CACNA1E: variants seen among roughly 807,000 people sequenced by gnomAD.
CACNA1E encodes the protein calcium voltage-gated channel subunit alpha1 E.
Under a neutral mutation model 259.2 loss-of-function variants are expected in CACNA1E, and 40 were observed. The ratio of observed to expected loss-of-function variants is 0.15; its 90% CI spans 0.12 to 0.20. The LOEUF (loss-of-function observed/expected upper bound fraction) is 0.20. CACNA1E is among the 10% of genes least tolerant of loss of function. The probability of loss-of-function intolerance (pLI) is 1.00; values close to 1 mark genes in which losing one functional copy is unlikely to be tolerated. For missense variants in CACNA1E, 1,874 were observed against 3,040.1 expected (o/e 0.62, Z 9.02); for synonymous variants, 1,104 against 1,138.5 (o/e 0.97, Z 0.61).
At chr1:181,593,059 C>T (rs1405145103) in intron 6 of CACNA1E, among the ~76,000 whole-genome samples, 1 of 152,126 alleles carries the variant, frequency 6.6e-6, no homozygotes, top group African/African-American at 2.4e-5. Flanking sequence ...GTCTTTTCAT[C>T]AGTAATATGG....
intron 1 of CACNA1E, among the ~76,000 whole-genome samples, chr1:181,352,419 T>A (rs1557935345): frequency 6.6e-6 from 1 of 152,158 alleles, no homozygotes; most frequent in South Asian, 2.1e-4. Context: ...TAAGAATTGA[T>A]GGAGTTAAAT....
intron 1 of CACNA1E, among the ~76,000 whole-genome samples, chr1:181,388,028 A>T (rs2877607): frequency 6.6e-6 from 1 of 151,936 alleles, no homozygotes; most frequent in Non-Finnish European, 1.5e-5. Context: ...GATAGCTAAG[A>T]GTTCCTTCAA....
intron 3 of CACNA1E, among the ~76,000 whole-genome samples, chr1:181,546,539 C>T (rs553317593): frequency 2.6e-5 from 4 of 152,252 alleles, no homozygotes; most frequent in Admixed American, 2.0e-4. Context: ...CTTCCCAGAC[C>T]TGTTGTCCTC....
chr1:181,341,132 C>T (rs1169123693), intron 1 of CACNA1E, among the ~76,000 whole-genome samples: 1 of 152,140 alleles, frequency 6.6e-6, no homozygotes, highest in Non-Finnish European at 1.5e-5. Context: ...TCCTAGTCCA[C>T]CTCCGAGAGG....
intron 1 of CACNA1E, among the ~76,000 whole-genome samples, chr1:181,347,683 G>A (rs1652710166): frequency 6.6e-6 from 1 of 152,200 alleles, no homozygotes; most frequent in Non-Finnish European, 1.5e-5. Context: ...CATTTGTGGG[G>A]CTTGTGACAG....
At chr1:181,441,503 G>GCTATA (rs140906135) in intron 2 of CACNA1E, among the ~76,000 whole-genome samples, 15,610 of 152,208 alleles carry the variant, frequency 0.1, 1,019 homozygotes, top group South Asian at 0.2. Context: ...CTGGAAGGCT[G>GCTATA]CTATAGGTTT....
At chr1:181,497,013 A>T (rs952774725) in intron 1 of CACNA1E, among the ~76,000 whole-genome samples, 4 of 152,056 alleles carry the variant, frequency 2.6e-5, no homozygotes, top group Non-Finnish European at 5.9e-5. Flanking sequence ...GGTCTGAGGA[A>T]TATGGGCCTA....
intron 1 of CACNA1E, among the ~76,000 whole-genome samples, chr1:181,356,924 A>G (rs1005312840): frequency 3.3e-5 from 5 of 152,110 alleles, no homozygotes; most frequent in Admixed American, 2.6e-4. Context: ...AATGGATTCT[A>G]AATATAACCA....
At chr1:181,543,213 A>C (rs993373399) in intron 3 of CACNA1E, among the ~76,000 whole-genome samples, 4 of 152,078 alleles carry the variant, frequency 2.6e-5, no homozygotes, top group Non-Finnish European at 4.4e-5. Context: ...AGGGCTTGAA[A>C]ATTTGCATTT....
rs981668890 is a variant in CACNA1E at position 181,803,243 on chromosome 1, A to C, written c.*4409A>C. On this transcript the variant is annotated 3_prime_UTR_variant, in exon 48 of 48. Coordinates refer to ENST00000367573, the MANE Select transcript of CACNA1E (RefSeq NM_001205293.3). Reference sequence around the variant, plus strand: ...GGTACAGGAGAGGACTTTATGATGCAGGAAAGAAGGAAGAAGTGGGTCCCT... The same window carrying C: ...GGTACAGGAGAGGACTTTATGATGCCGGAAAGAAGGAAGAAGTGGGTCCCT... 7.0e-6 allele frequency: 1 copy of C among 143,198 alleles called. No individual in the cohort carries two copies. The highest frequency in any genetic ancestry group is 2.8e-5 in the African/African-American group (1 of 35,972). 8.9% of individuals were successfully genotyped at this position (143,198 alleles called of 1,614,324 possible).
chr1:181,406,453 G>A (rs1357465464), intron 1 of CACNA1E, among the ~76,000 whole-genome samples: 2 of 151,964 alleles, frequency 1.3e-5, no homozygotes, highest in Non-Finnish European at 2.9e-5. Flanking sequence ...CTGGAGTGAA[G>A]TGGCGCGATC....
chr1:181,721,933 G>A, intron 16 of CACNA1E, 58 bp downstream of exon 16: 1 of 1,112,804 alleles, frequency 9.0e-7, no homozygotes. Context: ...CAGCATTTGA[G>A]GAGGCATTGG....
At position 181,802,322 on chromosome 1, in the gene CACNA1E, G is replaced by A. The variant is rs1247149805; in HGVS notation, c.*3488G>A. The A allele has an allele frequency of 6.6e-6, 1 of 152,206 alleles. No individual in the cohort carries two copies. Among genetic ancestry groups the A allele is most frequent in the African/African-American group, 2.4e-5 (1 of 41,442 alleles). The allele number at this position is 152,206 out of a possible 1,614,324, so 9.4% of individuals were successfully genotyped here. A position where few individuals can be genotyped will look rare whatever the true frequency, so the allele number is the denominator to read the frequency against. On this transcript the variant is annotated 3_prime_UTR_variant, in exon 48 of 48. Transcript: ENST00000367573. ...AGATCACCAAGAACATTACCCAGAA[G>A]CTGAAGTCCAAATGTTCTAGATTTT...
chr1:181,560,179 T>C (rs1360345440), intron 3 of CACNA1E, among the ~76,000 whole-genome samples: 1 of 152,054 alleles, frequency 6.6e-6, no homozygotes, highest in Non-Finnish European at 1.5e-5. Context: ...GCTCTCAATA[T>C]TTTTGCCAAC....
intron 23 of CACNA1E, among the ~76,000 whole-genome samples, chr1:181,737,883 T>A (rs1656199729): frequency 6.6e-6 from 1 of 151,882 alleles, no homozygotes; most frequent in Admixed American, 6.6e-5. Context: ...TCTGCAGGGC[T>A]CTGCAGCCAC....
chr1:181,480,326 G>T (rs1457191925), upstream of CACNA1E, among the ~76,000 whole-genome samples: 1 of 152,144 alleles, frequency 6.6e-6, no homozygotes, highest in Non-Finnish European at 1.5e-5. Context: ...CATTATGTTT[G>T]CCCCTTTCCT....
rs148049213 is a variant in CACNA1E, at chr1:181,434,947, T to C, written c.434+21367T>C. Among the ~76,000 whole-genome samples, 31 of 152,360 alleles carry C rather than the reference T, an allele frequency of 2.0e-4. No individual in the cohort carries two copies. In the East Asian group the frequency reaches 6.0e-3, roughly 29 times the overall value. ...CCCAGCTCCTTATTCAGTGAAATCA[T>C]GTTGATAAGTGGCTTGATCTGGGTT... On this transcript the variant is annotated intron_variant, in intron 2 of 11. Coordinates refer to the CACNA1E transcript ENST00000524607.
upstream of CACNA1E, among the ~76,000 whole-genome samples, chr1:181,482,613 G>GCGCGCCGCTCGCTGTCCT: frequency 6.6e-6 from 1 of 151,770 alleles, no homozygotes; most frequent in African/African-American, 2.4e-5. Flanking sequence ...TGCGCGCCTC[G>GCGCGCCGCTCGCTGTCCT]CTGCGCCTCT....
At chr1:181,346,137 G>A (rs1652578062) in intron 1 of CACNA1E, among the ~76,000 whole-genome samples, 1 of 152,224 alleles carries the variant, frequency 6.6e-6, no homozygotes, top group Non-Finnish European at 1.5e-5. Flanking sequence ...AGCGAGGGCC[G>A]AGGGTTCCCT....
Sources: gnomAD v4.1 joint callset for allele counts (sites outside exome capture counted in the v4.1 genomes callset) on GRCh38, gnomAD v4.1.1 for gene constraint, MANE v1.5 for transcripts, NCBI Gene and HGNC (gene_info 2026-07-23, HGNC 2026-07-21) for gene names.